MARCHF1: variants seen among roughly 807,000 people sequenced by gnomAD.
MARCHF1 encodes E3 ubiquitin-protein ligase MARCHF1.
A neutral mutation model predicts 54.2 loss-of-function variants in MARCHF1; 40 were observed. That is an observed-to-expected ratio of 0.74 (90% CI 0.57 to 0.96). The LOEUF (loss-of-function observed/expected upper bound fraction) is 0.96, where lower values mean the gene tolerates loss of function less well. MARCHF1 is among the 40% of genes least tolerant of loss of function. MARCHF1 has a pLI of 0.00. For synonymous variants in MARCHF1, 236 were observed against 236.3 expected (o/e 1.00, Z 0.01); for missense variants, 586 against 656.5 (o/e 0.89, Z 1.17).
At chr4:163,836,293 T>C (rs1486047840) in intron 4 of MARCHF1, among the ~76,000 whole-genome samples, 2 of 151,108 alleles carry the variant, frequency 1.3e-5, no homozygotes, top group Non-Finnish European at 2.9e-5. Context: ...TCATCCAGGC[T>C]GGAGTGCAGT....
At chr4:163,638,199 A>G (rs1054052268) in intron 5 of MARCHF1, among the ~76,000 whole-genome samples, 1 of 151,612 alleles carries the variant, frequency 6.6e-6, no homozygotes, top group African/African-American at 2.4e-5. Flanking sequence ...GTATGTAACT[A>G]ACCAGCACAA....
chr4:163,915,831 C>T (rs906841789), intron 3 of MARCHF1, among the ~76,000 whole-genome samples: 1 of 152,146 alleles, frequency 6.6e-6, no homozygotes, highest in Non-Finnish European at 1.5e-5. Context: ...GTAGTAAGAT[C>T]GTCAGCCTTG....
At chr4:163,847,030 G>A (rs192237491) in intron 4 of MARCHF1, among the ~76,000 whole-genome samples, 1 of 152,154 alleles carries the variant, frequency 6.6e-6, no homozygotes, top group Admixed American at 6.6e-5. Context: ...CAAGTCCAGG[G>A]GCTGCTTTCA....
At chr4:164,281,653 G>A (rs766271388) in intron 1 of MARCHF1, among the ~76,000 whole-genome samples, 1 of 152,132 alleles carries the variant, frequency 6.6e-6, no homozygotes, top group African/African-American at 2.4e-5. Flanking sequence ...GGTGAGAAGT[G>A]GCAAGCAAGA....
chr4:163,946,775 A>T (rs1422251133), intron 3 of MARCHF1, among the ~76,000 whole-genome samples: 6 of 152,162 alleles, frequency 3.9e-5, no homozygotes, highest in Non-Finnish European at 8.8e-5. Flanking sequence ...TGGCATCTCA[A>T]TAGTCTCCCT....
intron 4 of MARCHF1, among the ~76,000 whole-genome samples, chr4:163,815,833 A>G (rs1427329258): frequency 6.6e-6 from 1 of 152,240 alleles, no homozygotes; most frequent in Non-Finnish European, 1.5e-5. Context: ...CCTGCTTAAT[A>G]ATTAATACAG....
intron 2 of MARCHF1, among the ~76,000 whole-genome samples, chr4:164,064,323 C>T (rs995631132): frequency 6.6e-6 from 1 of 152,094 alleles, no homozygotes; most frequent in Non-Finnish European, 1.5e-5. Flanking sequence ...TTGTTTGTAT[C>T]ATCTCTTACT....
intron 2 of MARCHF1, among the ~76,000 whole-genome samples, chr4:164,051,745 G>A (rs1754370981): frequency 6.6e-6 from 1 of 152,156 alleles, no homozygotes; most frequent in Non-Finnish European, 1.5e-5. Context: ...TAATCACCAT[G>A]TTATTCTGTT....
chr4:163,580,838 C>T lies in MARCHF1; in HGVS notation c.1191+4911G>A, dbSNP rs1426058440. On this transcript the variant is annotated intron_variant, in intron 8 of 9. Coordinates refer to ENST00000514618, the MANE Select transcript of MARCHF1 (RefSeq NM_001394959.1). Reference sequence around the variant, plus strand: ...TGAGACGGAGTCTCGCTCTGTCGCCCAGGTCGGACTGCGGACTGCAGTGGC... The same window carrying T: ...TGAGACGGAGTCTCGCTCTGTCGCCTAGGTCGGACTGCGGACTGCAGTGGC... Among the ~76,000 whole-genome samples, 2 of 41,736 alleles carry T rather than the reference C, an allele frequency of 4.8e-5. 1 individual carries two copies. Among genetic ancestry groups the T allele is most frequent in the Non-Finnish European group, 1.0e-4 (2 of 20,000 alleles). The allele number at this position is 41,736 out of a possible 152,430, so 27.4% of individuals were successfully genotyped here. A position where few individuals can be genotyped will look rare whatever the true frequency, so the allele number is the denominator to read the frequency against.
intron 2 of MARCHF1, among the ~76,000 whole-genome samples, chr4:164,049,166 C>G (rs1011390954): frequency 2.0e-5 from 3 of 152,204 alleles, no homozygotes; most frequent in African/African-American, 7.2e-5. Flanking sequence ...AACTTACAAT[C>G]ATGGCGGAAG....
chr4:163,542,710 A>G (rs1354968885), intron 9 of MARCHF1, among the ~76,000 whole-genome samples: 1 of 152,198 alleles, frequency 6.6e-6, no homozygotes, highest in Non-Finnish European at 1.5e-5. Context: ...GGCCTCCACC[A>G]TCAGGGTTTC....
chr4:164,193,525 C>A (rs976775721), intron 1 of MARCHF1, among the ~76,000 whole-genome samples: 1 of 151,968 alleles, frequency 6.6e-6, no homozygotes, highest in African/African-American at 2.4e-5. Flanking sequence ...TAATGAGGAC[C>A]TCCAGTAAGA....
intron 3 of MARCHF1, among the ~76,000 whole-genome samples, chr4:163,963,311 A>C (rs1752376126): frequency 6.6e-6 from 1 of 151,900 alleles, no homozygotes; most frequent in South Asian, 2.1e-4. Flanking sequence ...GTGACTTTAT[A>C]ACCTCCAAAA....
chr4:163,972,623 T>C (rs1330451505), intron 3 of MARCHF1, among the ~76,000 whole-genome samples: 1 of 152,116 alleles, frequency 6.6e-6, no homozygotes, highest in Non-Finnish European at 1.5e-5. Flanking sequence ...CTCAGCTCAC[T>C]GCAAGCTCCA....
At chr4:164,158,029 C>T (rs1292771823) in intron 1 of MARCHF1, among the ~76,000 whole-genome samples, 1 of 152,154 alleles carries the variant, frequency 6.6e-6, no homozygotes, top group Non-Finnish European at 1.5e-5. Flanking sequence ...ATTGCTTCTA[C>T]TTTCACTTGA....
chr4:163,807,143 G>C (rs1178862198), intron 4 of MARCHF1, among the ~76,000 whole-genome samples: 1 of 152,142 alleles, frequency 6.6e-6, no homozygotes, highest in Non-Finnish European at 1.5e-5. Flanking sequence ...TTTGTAAAAT[G>C]CTTATAAAAT....
intron 1 of MARCHF1, among the ~76,000 whole-genome samples, chr4:164,181,843 T>C (rs998414858): frequency 2.6e-5 from 4 of 152,162 alleles, no homozygotes; most frequent in East Asian, 1.9e-4. Context: ...TTCAAGTTAA[T>C]GTATTTTAGC....
intron 1 of MARCHF1, among the ~76,000 whole-genome samples, chr4:164,122,369 T>C (rs1756086300): frequency 1.3e-5 from 2 of 152,114 alleles, no homozygotes; most frequent in South Asian, 4.1e-4. Context: ...GACATAGATA[T>C]TGGCATTTGT....
chr4:164,172,345 A>G (rs115638227), intron 1 of MARCHF1, among the ~76,000 whole-genome samples: 161 of 152,340 alleles, frequency 1.1e-3, no homozygotes, highest in African/African-American at 3.8e-3. Flanking sequence ...ATAAGCTTCA[A>G]TTTTATTTTA....
Sources: allele counts gnomAD v4.1 joint callset (sites outside exome capture counted in the v4.1 genomes callset), GRCh38; gene constraint gnomAD v4.1.1; transcripts MANE v1.5; gene names NCBI Gene and HGNC (gene_info 2026-07-23, HGNC 2026-07-21).